FRMD4A: variants seen among roughly 807,000 people sequenced by gnomAD.
FRMD4A encodes the protein FERM domain containing 4A.
Under a neutral mutation model 129.1 loss-of-function variants are expected in FRMD4A, and 29 were observed. The ratio of observed to expected loss-of-function variants is 0.22; its 90% confidence interval spans 0.17 to 0.31. FRMD4A has a LOEUF of 0.31. Ranked by LOEUF, FRMD4A falls within the 10% of genes least tolerant of loss-of-function variation. FRMD4A has a pLI of 1.00. For missense variants in FRMD4A, 1,272 were observed against 1,375.8 expected, an observed-to-expected ratio of 0.92 and a Z score of 1.19; for synonymous variants, 634 against 571.6, an observed-to-expected ratio of 1.11 and a Z score of -1.56.
chr10:14,093,974 C>A (rs764416015), intron 2 of FRMD4A, among the ~76,000 whole-genome samples: 18 of 152,248 alleles, frequency 1.2e-4, no homozygotes, highest in African/African-American at 4.3e-4. Flanking sequence ...ACAGCTTTCA[C>A]CAGTGACTTG....
Position 14,249,748 on chromosome 10 carries a change from G to A in FRMD4A, c.45+80310C>T, listed in dbSNP as rs527558329. 1.8e-4 allele frequency among the ~76,000 whole-genome samples: 28 copies of A among 152,282 alleles called. No individual in the cohort carries two copies. In the South Asian group the frequency reaches 5.2e-3, roughly 28 times the overall value. ...AAACAAAGTAAACGTTCCCGATAAG[G>A]GATGCATCAACTAAGGTGTAGGTAC... is the stretch of plus-strand genomic sequence containing the variant. On this transcript the variant is annotated intron_variant, in intron 2 of 24. Coordinates refer to ENST00000357447, the MANE Select transcript of FRMD4A (RefSeq NM_018027.5).
At chr10:13,739,632 TA>T (rs1387250654) in intron 11 of FRMD4A, among the ~76,000 whole-genome samples, 1 of 152,202 alleles carries the variant, frequency 6.6e-6, no homozygotes. Flanking sequence ...GCAGAAAGCA[TA>T]TATATCAGAG....
intron 2 of FRMD4A, among the ~76,000 whole-genome samples, chr10:13,969,814 T>C (rs1488193931): frequency 6.6e-6 from 1 of 152,180 alleles, no homozygotes; most frequent in Non-Finnish European, 1.5e-5. Context: ...ACCACTGCAC[T>C]GCAGCCTGGG....
chr10:14,158,990 AGAAAAGGAGAG>A (rs996234895), intron 2 of FRMD4A, among the ~76,000 whole-genome samples: 11 of 152,196 alleles, frequency 7.2e-5, no homozygotes, highest in African/African-American at 2.7e-4. Flanking sequence ...GTGAAAAGGA[AGAAAAGGAGAG>A]TATATAAAGG....
chr10:14,124,075 A>G (rs1838691205), intron 2 of FRMD4A, among the ~76,000 whole-genome samples: 1 of 152,210 alleles, frequency 6.6e-6, no homozygotes, highest in Admixed American at 6.5e-5. Flanking sequence ...CAACCTGTGC[A>G]ATGCTGGTAC....
chr10:14,111,009 C>T (rs1050575002), intron 2 of FRMD4A, among the ~76,000 whole-genome samples: 3 of 152,138 alleles, frequency 2.0e-5, no homozygotes, highest in Non-Finnish European at 4.4e-5. Flanking sequence ...AGAAAGTACA[C>T]ATATCATAAA....
intron 2 of FRMD4A, among the ~76,000 whole-genome samples, chr10:14,264,628 T>C (rs1449762413): frequency 1.3e-5 from 2 of 152,342 alleles, no homozygotes; most frequent in South Asian, 2.1e-4. Context: ...TTAACCCAAA[T>C]ATAGGGAATT....
intron 2 of FRMD4A, among the ~76,000 whole-genome samples, chr10:14,060,250 T>G (rs1363552876): frequency 6.6e-6 from 1 of 152,236 alleles, no homozygotes; most frequent in Non-Finnish European, 1.5e-5. Context: ...CACTGTTGAC[T>G]GGGAACCTAG....
chr10:14,177,138 C>A (rs1431178383), intron 2 of FRMD4A, among the ~76,000 whole-genome samples: 1 of 152,190 alleles, frequency 6.6e-6, no homozygotes, highest in Non-Finnish European at 1.5e-5. Context: ...TGTGCCCTTT[C>A]TAAACTCAGA....
intron 2 of FRMD4A, among the ~76,000 whole-genome samples, chr10:14,065,912 C>G (rs1466555518): frequency 6.6e-6 from 1 of 152,062 alleles, no homozygotes; most frequent in African/African-American, 2.4e-5. Context: ...GGGGTCCTAG[C>G]CCCCTGTTAT....
At chr10:14,062,680 T>C (rs1834869496) in intron 2 of FRMD4A, among the ~76,000 whole-genome samples, 1 of 152,214 alleles carries the variant, frequency 6.6e-6, no homozygotes, top group African/African-American at 2.4e-5. Flanking sequence ...TTCCCGACTT[T>C]CAACTGTGAG....
chr10:14,026,160 A>C (rs534736162), intron 2 of FRMD4A, among the ~76,000 whole-genome samples: 23 of 152,182 alleles, frequency 1.5e-4, no homozygotes, highest in Non-Finnish European at 3.1e-4. Flanking sequence ...CGAGAGGGAA[A>C]TATAAATATA....
chr10:14,256,232 T>C (rs901895069), intron 2 of FRMD4A, among the ~76,000 whole-genome samples: 2 of 151,984 alleles, frequency 1.3e-5, no homozygotes, highest in African/African-American at 4.8e-5. Flanking sequence ...AGAAGAAATA[T>C]GTAATAGAAA....
chr10:13,927,870 A>T (rs2095150851), intron 2 of FRMD4A, among the ~76,000 whole-genome samples: 1 of 152,196 alleles, frequency 6.6e-6, no homozygotes, highest in Admixed American at 6.5e-5. Flanking sequence ...AAGAAATGTA[A>T]CAGATTTTTT....
intron 3 of FRMD4A, among the ~76,000 whole-genome samples, chr10:13,820,049 A>G (rs1440093139): frequency 6.6e-6 from 1 of 152,204 alleles, no homozygotes; most frequent in Non-Finnish European, 1.5e-5. Flanking sequence ...ACAGACATAC[A>G]GGAGAGAAGA....
chr10:14,259,862 T>C (rs1236197502), intron 2 of FRMD4A, among the ~76,000 whole-genome samples: 1 of 149,892 alleles, frequency 6.7e-6, no homozygotes, highest in Non-Finnish European at 1.5e-5. Flanking sequence ...TGCCCACAGC[T>C]ACATGGCTCC....
rs114317219 is a variant in FRMD4A at position 14,145,552 on chromosome 10, T to C, written c.45+184506A>G. On this transcript the variant is annotated intron_variant, in intron 2 of 24. Transcript: ENST00000357447. ...CCAGGCTCTGTTTTACATACACAAATGATTTAAAAATCATGACAAGGTGAT... is the reference window on the plus strand; with the variant it reads ...CCAGGCTCTGTTTTACATACACAAACGATTTAAAAATCATGACAAGGTGAT... 2.0e-3 allele frequency among the ~76,000 whole-genome samples: 299 copies of C among 152,292 alleles called. 1 individual carries two copies. The highest frequency in any genetic ancestry group is 7.0e-3 in the African/African-American group (292 of 41,554).
chr10:14,106,409 C>A (rs1274155975), intron 2 of FRMD4A, among the ~76,000 whole-genome samples: 2 of 152,158 alleles, frequency 1.3e-5, no homozygotes, highest in African/African-American at 4.8e-5. Flanking sequence ...AGATCCATCA[C>A]TGGTGAGTGA....
chr10:14,085,192 C>T (rs562469986), intron 2 of FRMD4A, among the ~76,000 whole-genome samples: 6 of 152,240 alleles, frequency 3.9e-5, no homozygotes, highest in Admixed American at 6.5e-5. Context: ...CCATCGTAGA[C>T]GCATGGTTAT....
Sources: gnomAD v4.1 joint callset for allele counts (sites outside exome capture counted in the v4.1 genomes callset) on GRCh38, gnomAD v4.1.1 for gene constraint, MANE v1.5 for transcripts, NCBI Gene and HGNC (gene_info 2026-07-23, HGNC 2026-07-21) for gene names.